Variants in NDST3 observed in about 807,000 individuals in gnomAD.
NDST3 encodes the protein N-deacetylase and N-sulfotransferase 3, also known as bifunctional heparan sulfate N-deacetylase/N-sulfotransferase 3.
Under a neutral mutation model 96.1 loss-of-function variants are expected in NDST3, and 58 were observed. The observed-to-expected ratio is 0.60, with a 90% confidence interval of 0.49 to 0.75. The LOEUF is 0.75. Ranked by LOEUF, NDST3 falls within the 30% of genes least tolerant of loss-of-function variation. The probability of loss-of-function intolerance (pLI) is 0.00; values close to 1 mark genes in which losing one functional copy is unlikely to be tolerated. For synonymous variants in NDST3, 333 were observed against 359.7 expected (o/e 0.93, Z 0.84); for missense variants, 788 against 1,034.2 (o/e 0.76, Z 3.27).
chr4:118,128,731 C>G (rs1732340846), intron 4 of NDST3, among the ~76,000 whole-genome samples: 1 of 151,902 alleles, frequency 6.6e-6, no homozygotes. Context: ...CCCTCCTCCT[C>G]TATATTTTGG....
At chr4:118,079,338 G>C (rs1241878147) in intron 2 of NDST3, among the ~76,000 whole-genome samples, 1 of 152,190 alleles carries the variant, frequency 6.6e-6, no homozygotes, top group Middle Eastern at 3.2e-3. Context: ...GGGAGGTTGA[G>C]CACAAGGGGA....
chr4:118,135,705 C>T (rs1038512406), intron 4 of NDST3, among the ~76,000 whole-genome samples: 2 of 152,048 alleles, frequency 1.3e-5, no homozygotes, highest in Non-Finnish European at 2.9e-5. Context: ...CACACTGCAC[C>T]AGCACACAAA....
intron 6 of NDST3, among the ~76,000 whole-genome samples, chr4:118,165,399 T>A (rs1352437214): frequency 1.3e-5 from 2 of 151,646 alleles, no homozygotes; most frequent in Non-Finnish European, 2.9e-5. Flanking sequence ...TATAAACGCA[T>A]GCAAATTCAA....
chr4:118,084,514 A>T (rs1728267418), intron 2 of NDST3, among the ~76,000 whole-genome samples: 1 of 152,114 alleles, frequency 6.6e-6, no homozygotes, highest in East Asian at 1.9e-4. Flanking sequence ...GTGTTTCTGA[A>T]ATCTCTCTCA....
chr4:118,054,350 G>A lies in NDST3; in HGVS notation c.440G>A (p.Arg147Gln), dbSNP rs764215296. ...TATATAAATATGGATTCCTGGAATC[G>A]AAGCCTTCTAGATAAATACTGTGTA... ...LKYINMDSWN[R>Q]SLLDKYCVEY... Residue 147 changes from arginine to glutamine, a missense_variant, in exon 2 of 14, where the codon CGA becomes CAA. By Grantham distance (43) the Arg-to-Gln change is conservative. Around this residue, in one of 3 missense-constraint regions of NDST3, gnomAD observed 234 missense variants for 256.9 expected, o/e 0.91. Transcript: ENST00000296499. 22 of 1,612,188 alleles carry A rather than the reference G, an allele frequency of 1.4e-5. No homozygotes were observed. The highest frequency in any genetic ancestry group is 3.3e-5 in the South Asian group (3 of 90,980).
chr4:118,049,362 ATAAC>A (rs1317699555), intron 1 of NDST3, among the ~76,000 whole-genome samples: 1 of 152,118 alleles, frequency 6.6e-6, no homozygotes, highest in Non-Finnish European at 1.5e-5. Context: ...AAAAAAATAA[ATAAC>A]TAATATTAAA....
At chr4:118,194,589 G>A (rs115291256) in intron 6 of NDST3, 7,856 of 726,320 alleles carry the variant, frequency 0.011, 136 homozygotes, top group Middle Eastern at 0.056. Context: ...CCAGTGTAGT[G>A]GACAAAGATT....
rs11939817 is a variant in NDST3 at position 118,162,523 on chromosome 4, G to C, written c.1539+18839G>C. ...GAAAGGATTCCTTATTTAATAAATG[G>C]TGCTGGGAAAACTGGCTAGCCATAT... On this transcript the variant is annotated intron_variant, in intron 6 of 13. Coordinates refer to ENST00000296499, the MANE Select transcript of NDST3 (RefSeq NM_004784.3). Among the ~76,000 whole-genome samples the C allele has an allele frequency of 5.7e-3, 861 of 151,860 alleles. 11 individuals carry two copies. Among genetic ancestry groups the C allele is most frequent in the African/African-American group, 0.02 (827 of 41,292 alleles).
intron 6 of NDST3, among the ~76,000 whole-genome samples, chr4:118,202,346 T>C (rs1738144729): frequency 6.6e-6 from 1 of 152,220 alleles, no homozygotes; most frequent in Non-Finnish European, 1.5e-5. Flanking sequence ...GAATCATTTG[T>C]TCTGTGAAAA....
intron 6 of NDST3, among the ~76,000 whole-genome samples, chr4:118,195,291 A>G (rs1276126571): frequency 6.6e-6 from 1 of 152,246 alleles, no homozygotes; most frequent in Non-Finnish European, 1.5e-5. Flanking sequence ...AATAGTCTCC[A>G]CTTGTCAAGG....
intron 6 of NDST3, among the ~76,000 whole-genome samples, chr4:118,216,563 C>T (rs1739205021): frequency 6.6e-6 from 1 of 152,032 alleles, no homozygotes; most frequent in South Asian, 2.1e-4. Context: ...CTTGCTAAGA[C>T]TGTAGAGCCA....
chr4:118,070,270 G>C (rs1302787333), intron 2 of NDST3, among the ~76,000 whole-genome samples: 1 of 152,112 alleles, frequency 6.6e-6, no homozygotes, highest in African/African-American at 2.4e-5. Context: ...CAATTGACTT[G>C]AGCAGAGTAA....
At chr4:118,152,719 C>T (rs1055153154) in intron 6 of NDST3, among the ~76,000 whole-genome samples, 1 of 152,172 alleles carries the variant, frequency 6.6e-6, no homozygotes, top group Non-Finnish European at 1.5e-5. Flanking sequence ...GTACTCCTGA[C>T]TAAATTAATA....
At chr4:118,222,603 G>A (rs1392998740) in intron 6 of NDST3, among the ~76,000 whole-genome samples, 1 of 152,076 alleles carries the variant, frequency 6.6e-6, no homozygotes, top group East Asian at 1.9e-4. Flanking sequence ...TATAAAAATA[G>A]AATTGAACAT....
chr4:118,144,371 G>A lies in NDST3; in HGVS notation c.1539+687G>A, dbSNP rs554344718. Among the ~76,000 whole-genome samples the A allele has an allele frequency of 1.4e-4, 22 of 152,162 alleles. No individual in the cohort carries two copies. In the South Asian group the frequency reaches 2.9e-3, roughly 20 times the overall value. On this transcript the variant is annotated intron_variant, in intron 6 of 13. Coordinates refer to ENST00000296499, the MANE Select transcript of NDST3 (RefSeq NM_004784.3). ...AATTTTTTGTATTTTTAGTGGAGAC[G>A]AGGCTTCACTGTGTTAGCCAGGATG... is the stretch of plus-strand genomic sequence containing the variant.
intron 4 of NDST3, among the ~76,000 whole-genome samples, chr4:118,123,403 T>C (rs1047101337): frequency 6.6e-6 from 1 of 152,140 alleles, no homozygotes; most frequent in Non-Finnish European, 1.5e-5. Flanking sequence ...TATAGCTTTC[T>C]TACCTCTCAA....
chr4:118,146,540 A>T (rs1184730438), intron 6 of NDST3, among the ~76,000 whole-genome samples: 1 of 151,964 alleles, frequency 6.6e-6, no homozygotes, highest in South Asian at 2.1e-4. Context: ...AACTGGAAAG[A>T]TCACAGCAAA....
chr4:118,136,074 T>C (rs1733062727), intron 4 of NDST3, among the ~76,000 whole-genome samples: 1 of 152,210 alleles, frequency 6.6e-6, no homozygotes, highest in Non-Finnish European at 1.5e-5. Flanking sequence ...TATTGAAAAC[T>C]ACCTTGAGCT....
chr4:118,071,936 C>G (rs865827122), intron 2 of NDST3, among the ~76,000 whole-genome samples: 6 of 152,046 alleles, frequency 3.9e-5, no homozygotes, highest in Admixed American at 3.3e-4. Flanking sequence ...TTAAGAATAG[C>G]CATTCTGACT....
Sources: allele counts gnomAD v4.1 joint callset (sites outside exome capture counted in the v4.1 genomes callset), GRCh38; gene constraint gnomAD v4.1.1; regional missense constraint gnomAD v4.1.1; transcripts MANE v1.5; gene names NCBI Gene and HGNC (gene_info 2026-07-23, HGNC 2026-07-21).